Variants in CUL5 observed in about 807,000 individuals in gnomAD.
The protein encoded by CUL5 is cullin-5.
CUL5 carries 26 observed loss-of-function variants against 108.8 expected under a neutral mutation model. The ratio of observed to expected loss-of-function variants is 0.24; its 90% CI spans 0.18 to 0.33. CUL5 has a LOEUF of 0.33. CUL5 is among the 10% of genes least tolerant of loss of function. The pLI is 1.00. For missense variants in CUL5, 524 were observed against 909.2 expected (o/e 0.58, Z 5.45); for synonymous variants, 334 against 298.0 (o/e 1.12, Z -1.25).
At chr11:108,098,595 T>A in intron 18 of CUL5, 66 bp downstream of exon 18, 2 of 1,266,542 alleles carry the variant, frequency 1.6e-6, no homozygotes, top group Non-Finnish European at 2.1e-6. Flanking sequence ...TTTTTTTAAA[T>A]TTTGAAATCT....
At chr11:108,072,235 C>T in intron 8 of CUL5, 97 bp from the exon 9 acceptor site, 1 of 1,013,560 alleles carries the variant, frequency 9.9e-7, no homozygotes, top group Non-Finnish European at 1.4e-6. Context: ...GCATTGTATC[C>T]ACAGAATACT....
At chr11:108,055,275 G>C (rs1863344552) in intron 7 of CUL5, among the ~76,000 whole-genome samples, 1 of 151,882 alleles carries the variant, frequency 6.6e-6, no homozygotes, top group Admixed American at 6.6e-5. Context: ...TTTTCATGTT[G>C]CAAGTAATAT....
intron 1 of CUL5, among the ~76,000 whole-genome samples, chr11:108,028,186 T>C (rs923535867): frequency 2.0e-5 from 3 of 152,248 alleles, no homozygotes; most frequent in African/African-American, 7.2e-5. Context: ...TATGAATGTA[T>C]AATAGATATG....
intron 16 of CUL5, among the ~76,000 whole-genome samples, chr11:108,096,865 A>G (rs1350465523): frequency 6.6e-6 from 1 of 151,808 alleles, no homozygotes; most frequent in Admixed American, 6.6e-5. Flanking sequence ...TGTGCCTCAG[A>G]TACATACTTA....
At chr11:108,058,188 G>A (rs1169921579) in intron 7 of CUL5, among the ~76,000 whole-genome samples, 4 of 129,336 alleles carry the variant, frequency 3.1e-5, no homozygotes, top group Admixed American at 8.3e-5. Flanking sequence ...CAGCCTGGGC[G>A]ATAGAGCAAG....
chr11:108,070,062 A>G, intron 7 of CUL5, 34 bp from the exon 8 acceptor site: 1 of 1,392,196 alleles, frequency 7.2e-7, no homozygotes, highest in Non-Finnish European at 1.0e-6. Flanking sequence ...TATACAGCTT[A>G]TAGTAGCCTT....
intron 1 of CUL5, among the ~76,000 whole-genome samples, chr11:108,019,780 C>T (rs889549994): frequency 2.0e-5 from 3 of 151,874 alleles, no homozygotes; most frequent in Non-Finnish European, 2.9e-5. Context: ...TATCTTAGTC[C>T]ATTTGTGTTG....
chr11:108,034,202 A>G (rs981755511), intron 2 of CUL5, among the ~76,000 whole-genome samples: 1 of 152,180 alleles, frequency 6.6e-6, no homozygotes, highest in African/African-American at 2.4e-5. Context: ...AAACAAGCAC[A>G]TGCTTCCAAG....
chr11:108,041,432 C>T (rs1448291155), intron 2 of CUL5, among the ~76,000 whole-genome samples: 3 of 150,842 alleles, frequency 2.0e-5, no homozygotes, highest in Non-Finnish European at 4.4e-5. Context: ...TGCCTGCCAC[C>T]GTGCTGGCCA....
At chr11:108,067,222 A>G (rs141012811) in intron 7 of CUL5, among the ~76,000 whole-genome samples, 7 of 152,336 alleles carry the variant, frequency 4.6e-5, no homozygotes, top group Non-Finnish European at 1.0e-4. Flanking sequence ...TGCCTGGTAC[A>G]AAGTAAGTGC....
chr11:108,075,752 T>C (rs1033867393), intron 10 of CUL5, among the ~76,000 whole-genome samples: 2 of 152,174 alleles, frequency 1.3e-5, no homozygotes, highest in South Asian at 2.1e-4. Context: ...TTGTTTGGGC[T>C]GGTCTTGAAC....
intron 18 of CUL5, among the ~76,000 whole-genome samples, chr11:108,101,733 A>G (rs1055916847): frequency 2.6e-5 from 4 of 152,190 alleles, no homozygotes; most frequent in African/African-American, 9.7e-5. Context: ...TCAAATGGGG[A>G]CCAGGGCCAG....
At position 108,076,899 on chromosome 11, in the gene CUL5, T is replaced by C. The variant is rs115504928; in HGVS notation, c.1114-1277T>C. ...GCGATAGGGAAGACTGTAAGAGAAATAGTTTTTGGAGAGATGGTTGCAGAG... is the reference window on the plus strand; with the variant it reads ...GCGATAGGGAAGACTGTAAGAGAAACAGTTTTTGGAGAGATGGTTGCAGAG... On this transcript the variant is annotated intron_variant, in intron 10 of 18. Transcript: ENST00000393094. Among the ~76,000 whole-genome samples, 668 of 152,306 alleles carry C rather than the reference T, an allele frequency of 4.4e-3. 6 individuals are homozygous for C. Among genetic ancestry groups the C allele is most frequent in the Non-Finnish European group, 6.3e-3 (431 of 68,024 alleles).
chr11:108,053,273 C>T (rs1289600415), intron 5 of CUL5, among the ~76,000 whole-genome samples: 2 of 152,160 alleles, frequency 1.3e-5, no homozygotes, highest in East Asian at 3.8e-4. Flanking sequence ...GTTAACTTCT[C>T]TCATTTAGTG....
chr11:108,014,774 G>A (rs977278337), intron 1 of CUL5, among the ~76,000 whole-genome samples: 1 of 152,144 alleles, frequency 6.6e-6, no homozygotes, highest in Non-Finnish European at 1.5e-5. Context: ...TTACATTTTT[G>A]TTGGGAAGAG....
At chr11:108,072,524 T>G (rs1342857187) in intron 9 of CUL5, 62 bp downstream of exon 9, 1 of 1,440,794 alleles carries the variant, frequency 6.9e-7, no homozygotes, top group African/African-American at 1.4e-5. Flanking sequence ...AATGTAGGAT[T>G]ATTGAAAATA....
chr11:108,024,827 GAC>G (rs1250555830), intron 1 of CUL5, among the ~76,000 whole-genome samples: 2 of 152,048 alleles, frequency 1.3e-5, no homozygotes, highest in Non-Finnish European at 2.9e-5. Flanking sequence ...ATTAAACAAA[GAC>G]AGTAGAAATG....
At chr11:108,033,084 A>T (rs775888952) in intron 1 of CUL5, among the ~76,000 whole-genome samples, 5 of 152,214 alleles carry the variant, frequency 3.3e-5, no homozygotes, top group African/African-American at 7.2e-5. Context: ...ATGATTTGTT[A>T]TAGGGAAAGG....
At chr11:108,013,791 G>A (rs201028665) in intron 1 of CUL5, among the ~76,000 whole-genome samples, 1 of 152,014 alleles carries the variant, frequency 6.6e-6, no homozygotes, top group East Asian at 1.9e-4. Context: ...TATAGAGGCC[G>A]GGCATGGTGG....
Sources: allele counts gnomAD v4.1 joint callset (sites outside exome capture counted in the v4.1 genomes callset), GRCh38; gene constraint gnomAD v4.1.1; transcripts MANE v1.5; gene names NCBI Gene and HGNC (gene_info 2026-07-23, HGNC 2026-07-21).